The following MVP variants were observed in gnomAD, a reference collection of about 807,000 sequenced individuals.
MVP encodes lung resistance-related protein.
In MVP, 62 loss-of-function variants were observed where a neutral mutation model predicts 83.5. The ratio of observed to expected loss-of-function variants is 0.74; its 90% CI spans 0.61 to 0.92. The LOEUF (loss-of-function observed/expected upper bound fraction) is 0.92. MVP is among the 40% of genes least tolerant of loss of function. The pLI is 0.00. For synonymous variants in MVP, 505 were observed against 504.1 expected, an observed-to-expected ratio of 1.00 and a Z score of -0.02; for missense variants, 1,000 against 1,203.4, an observed-to-expected ratio of 0.83 and a Z score of 2.50.
At chr16:29,848,026 C>A (rs774583169), downstream of MVP, 68 of 1,586,140 alleles carry the variant, frequency 4.3e-5, no homozygotes, top group South Asian at 9.0e-5. Context: ...TGGGCATTTA[C>A]AATTTCAACA....
Position 29,840,453 on chromosome 16 carries a change from C to T in MVP, c.1185C>T (p.Thr395=), listed in dbSNP as rs200436759. 42 of 1,568,196 alleles carry T rather than the reference C, an allele frequency of 2.7e-5. No homozygotes were observed. Among genetic ancestry groups the T allele is most frequent in the East Asian group, 1.2e-4 (5 of 43,194 alleles). ...NEGIYVQDVK[T]GKVRAVIGST... The stretch of plus-strand genomic sequence containing the variant: ...GCATCTATGTGCAGGATGTCAAGAC[C>T]GGAAAGGTAATGGCTGGGAGTGAGC... The change falls in exon 8 of 15, where the codon ACC becomes ACT. Residue 395 remains threonine (T), a synonymous_variant. Transcript: ENST00000357402.
Position 29,833,831 on chromosome 16 carries a change from A to G in MVP, c.420A>G (p.Gly140=). The G allele has an allele frequency of 6.2e-7, 1 of 1,614,096 alleles. No homozygotes were observed. The highest frequency in any genetic ancestry group is 1.1e-5 in the South Asian group (1 of 91,080). ...EDKDGDKVVA[G]DEWLFEGPGT... is the part of the protein sequence containing the mutation. ...AAGATGGAGACAAGGTGGTGGCAGG[A>G]GATGAGTGGCTTTTCGAGGGACCTG... Residue 140 remains glycine, a synonymous_variant, in exon 4 of 15, where the codon GGA becomes GGG. Coordinates refer to ENST00000357402, the MANE Select transcript of MVP (RefSeq NM_005115.5).
rs1363375467 is a variant in MVP at position 29,830,914 on chromosome 16, C to T, written c.162C>T (p.Pro54=). 1.2e-6 allele frequency: 2 copies of T among 1,613,838 alleles called. No homozygotes were observed. The highest frequency in any genetic ancestry group is 2.2e-5 in the South Asian group (2 of 91,068). ...LFAPMRMVTV[P]PRHYCTVANP... ...CCCCCATGCGCATGGTGACCGTCCC[C>T]CCACGTCACTACTGCACAGTGGCCA... Residue 54 remains proline, a synonymous_variant, in exon 3 of 15, where the codon CCC becomes CCT. Coordinates refer to ENST00000357402, the MANE Select transcript of MVP (RefSeq NM_005115.5).
Position 29,842,035 on chromosome 16 carries a change from G to T in MVP, c.1557G>T (p.Gly519=). 6.2e-7 allele frequency: 1 copy of T among 1,610,788 alleles called. No homozygotes were observed. The highest frequency in any genetic ancestry group is 8.5e-7 in the Non-Finnish European group (1 of 1,179,914). The change falls in exon 10 of 15, where the codon GGG becomes GGT. Residue 519 remains glycine (G), a synonymous_variant. Coordinates refer to ENST00000357402, the MANE Select transcript of MVP (RefSeq NM_005115.5). ...HARRALCLLL[G]PDFFTDVITI... ...GCCGTGCGCTCTGCCTGCTGCTGGG[G>T]CCTGACTTCTTCACAGACGTCATCA...
chr16:29,822,167 G>T (rs1057451), intron 1 of MVP, among the ~76,000 whole-genome samples: 36,023 of 150,988 alleles, frequency 0.24, 6,134 homozygotes, highest in African/African-American at 0.49. Context: ...GATCAGGGGT[G>T]CTGAAGCCTG....
At position 29,841,587 on chromosome 16, in the gene MVP, C is replaced by T. The variant is rs374895146; in HGVS notation, c.1192-9C>T. 3.4e-5 allele frequency: 53 copies of T among 1,575,120 alleles called. No individual in the cohort carries two copies. The East Asian group carries it at 4.5e-4, about 13-fold the overall frequency. ...TACGGGCAGCTTCCCTCCCTGTCCT[C>T]GTCCCAAGGTGCGCGCTGTGATTGG... On this transcript the variant is annotated splice_polypyrimidine_tract_variant and intron_variant, in intron 8 of 14. Transcript: ENST00000357402. This position sits in a 1 kb window ranked among gnomAD's most constrained non-coding sequence, Gnocchi z 4.7.
chr16:29,831,732 C>T, intron 3 of MVP: 1 of 456,028 alleles, frequency 2.2e-6, no homozygotes, highest in Non-Finnish European at 4.4e-6. Context: ...GTGCCAGACA[C>T]TGGTGGGCAG....
intron 1 of MVP, among the ~76,000 whole-genome samples, chr16:29,827,776 C>T (rs1393624423): frequency 1.3e-5 from 2 of 151,860 alleles, no homozygotes; most frequent in Non-Finnish European, 2.9e-5. Context: ...ATTAGCTAGG[C>T]GTGGTGGCAC....
intron 1 of MVP, among the ~76,000 whole-genome samples, chr16:29,821,919 A>G (rs970198389): frequency 6.6e-6 from 1 of 152,116 alleles, no homozygotes; most frequent in South Asian, 2.1e-4. Flanking sequence ...AAGCAGCAGG[A>G]GTGGGGTTAA....
In MVP at chr16:29,841,623, A is replaced by G. The variant is rs2067535238; in HGVS notation, c.1219A>G (p.Met407Val). The G allele has an allele frequency of 6.2e-7, 1 of 1,610,364 alleles. No individual in the cohort carries two copies. Among genetic ancestry groups the G allele is most frequent in the African/African-American group, 1.3e-5 (1 of 74,838 alleles). The change falls in exon 9 of 15, where the codon ATG becomes GTG. Residue 407 changes from methionine to valine, a missense_variant. Transcript: ENST00000357402. The surrounding 1 kb of genome is among the most constrained non-coding windows in gnomAD (Gnocchi z 4.7). Reference protein sequence around the residue: ...KVRAVIGSTYMLTQDEVLWEK... With the variant: ...KVRAVIGSTYVLTQDEVLWEK... ...GCGCGCTGTGATTGGAAGCACCTAC[A>G]TGCTGACCCAGGACGAAGTCCTGTG... is the stretch of plus-strand genomic sequence containing the variant.
chr16:29,830,454 TC>T, intron 1 of MVP, 60 bp from the exon 2 acceptor site: 2 of 1,450,774 alleles, frequency 1.4e-6, no homozygotes, highest in Non-Finnish European at 1.9e-6. Flanking sequence ...GTCACCAGAT[TC>T]ATGCCTGCCC....
At position 29,831,116 on chromosome 16, in the gene MVP, T is replaced by A. The variant is rs371789439; in HGVS notation, c.321+43T>A. On this transcript the variant is annotated intron_variant, in intron 3 of 14. Coordinates refer to ENST00000357402, the MANE Select transcript of MVP (RefSeq NM_005115.5). ...TCCCTATGCCCCACCCTACCTGTCC[T>A]CCACCTGCCTTGGGCTCTATACTGC... 8 of 1,570,670 alleles carry A rather than the reference T, an allele frequency of 5.1e-6. No individual in the cohort carries two copies. The African/African-American group carries it at 1.1e-4, about 21-fold the overall frequency.
intron 3 of MVP, chr16:29,833,488 TTTTA>T: frequency 3.8e-6 from 1 of 261,806 alleles, no homozygotes; most frequent in Non-Finnish European, 7.3e-6. Context: ...TTTTTTTTTT[TTTTA>T]GAGATGGGAT....
chr16:29,823,067 C>T (rs916994621), intron 1 of MVP, among the ~76,000 whole-genome samples: 14 of 150,796 alleles, frequency 9.3e-5, no homozygotes, highest in African/African-American at 3.4e-4. Flanking sequence ...ACCCTCCAGT[C>T]TCTAATACCT....
At position 29,846,125 on chromosome 16, in the gene MVP, C is replaced by A. The variant is rs7193612; in HGVS notation, c.2139-33C>A. On this transcript the variant is annotated intron_variant, in intron 12 of 14. Transcript: ENST00000357402. ...AGGCCGTGGGGGGACTGGGCTGTCT[C>A]CCGGGTCTTACCTGACTCTGCCTTC... 5.2e-3 allele frequency: 8,274 copies of A among 1,602,390 alleles called. 360 individuals carry two copies. The African/African-American group carries it at 0.095, about 18-fold the overall frequency.
intron 13 of MVP, 100 bp downstream of exon 13, chr16:29,846,384 C>T (rs2150762038): frequency 3.5e-6 from 5 of 1,426,166 alleles, no homozygotes; most frequent in South Asian, 3.0e-5. Flanking sequence ...GGTCCCCCAA[C>T]ATAAAGCCCT....
intron 1 of MVP, chr16:29,826,192 G>C (rs1217548901): frequency 6.6e-6 from 1 of 152,276 alleles, no homozygotes; most frequent in East Asian, 1.9e-4. Context: ...AAACAGTGCA[G>C]ATGAAGAGCC....
At position 29,841,884 on chromosome 16, in the gene MVP, G is replaced by A; in HGVS notation, c.1437-31G>A. ...GGGTGTAGGGGGTGGCTCTCCATGG[G>A]TCTGGCTCTGACCCTCGGCTGTCTC... On this transcript the variant is annotated intron_variant, in intron 9 of 14. Transcript: ENST00000357402. This position sits in a 1 kb window ranked among gnomAD's most constrained non-coding sequence, Gnocchi z 4.7. The A allele has an allele frequency of 6.2e-7, 1 of 1,610,528 alleles. No homozygotes were observed.
chr16:29,835,799 G>A lies in MVP; in HGVS notation c.672+1G>A, dbSNP rs140904330. The A allele has an allele frequency of 1.4e-5, 22 of 1,613,288 alleles. No homozygotes were observed. The highest frequency in any genetic ancestry group is 3.4e-6 in the Non-Finnish European group (4 of 1,179,816). On this transcript the variant is annotated splice_donor_variant, in intron 6 of 14. Coordinates refer to ENST00000357402, the MANE Select transcript of MVP (RefSeq NM_005115.5). LOFTEE classifies it high-confidence loss of function. ...GGACGCCGTCATCCTTACGGAAAAGGTTGGTGCTCTGGGGGCTGTGGTTTA... is the reference window on the plus strand; with the variant it reads ...GGACGCCGTCATCCTTACGGAAAAGATTGGTGCTCTGGGGGCTGTGGTTTA...
Sources: allele counts gnomAD v4.1 joint callset (sites outside exome capture counted in the v4.1 genomes callset), GRCh38; gene constraint gnomAD v4.1.1; non-coding constraint Gnocchi (gnomAD v3.1); transcripts MANE v1.5; gene names NCBI Gene and HGNC (gene_info 2026-07-23, HGNC 2026-07-21).